Variants in XKR4 observed in about 807,000 individuals in gnomAD.
XKR4 encodes XK-related protein 4.
XKR4 carries 12 observed loss-of-function variants against 53.9 expected under a neutral mutation model. The ratio of observed to expected loss-of-function variants is 0.22; its 90% CI spans 0.14 to 0.36. The LOEUF is 0.36. Ranked by LOEUF, XKR4 falls within the 10% of genes least tolerant of loss-of-function variation. The probability of loss-of-function intolerance (pLI) is 1.00; values close to 1 mark genes in which losing one functional copy is unlikely to be tolerated. For missense variants in XKR4, 799 were observed against 859.5 expected (o/e 0.93, Z 0.88); for synonymous variants, 354 against 362.4 (o/e 0.98, Z 0.26).
intron 2 of XKR4, among the ~76,000 whole-genome samples, chr8:55,469,392 A>G (rs78410437): frequency 0.014 from 2,113 of 152,114 alleles, 59 homozygotes; most frequent in African/African-American, 0.049. Flanking sequence ...TTAGCCTCCC[A>G]AGATCCTTGC....
At chr8:55,383,264 G>A (rs1293551194) in intron 2 of XKR4, among the ~76,000 whole-genome samples, 1 of 152,202 alleles carries the variant, frequency 6.6e-6, no homozygotes, top group East Asian at 1.9e-4. Context: ...TGAAAGCACA[G>A]TTGCATTTGA....
intron 1 of XKR4, among the ~76,000 whole-genome samples, chr8:55,162,350 G>C (rs544711864): frequency 8.4e-4 from 128 of 152,306 alleles, no homozygotes; most frequent in Middle Eastern, 3.4e-3. Context: ...TTTAAAATAA[G>C]TGAGTTAATG....
At chr8:55,413,434 C>G (rs931831876) in intron 2 of XKR4, among the ~76,000 whole-genome samples, 2 of 152,140 alleles carry the variant, frequency 1.3e-5, no homozygotes, top group African/African-American at 4.8e-5. Flanking sequence ...CCAGATTGGC[C>G]AGGCTGGTCT....
In XKR4 at chr8:55,528,256, T is replaced by TTA. The variant is rs1437737369; in HGVS notation, c.*4031_*4032dup. The TTA allele has an allele frequency of 6.6e-6, 1 of 152,236 alleles. No homozygotes were observed. The highest frequency in any genetic ancestry group is 1.5e-5 in the Non-Finnish European group (1 of 68,026). 9.4% of individuals were successfully genotyped at this position (152,236 alleles called of 1,614,324 possible). A position where few individuals can be genotyped will look rare whatever the true frequency, so the allele number is the denominator to read the frequency against. ...CAGCACTTCTTAGCTCGAATGAGTT[T>TTA]TATCACTTCTTAAGGATCTCATCTT... On this transcript the variant is annotated 3_prime_UTR_variant, in exon 3 of 3. Coordinates refer to ENST00000327381, the MANE Select transcript of XKR4 (RefSeq NM_052898.2).
chr8:55,103,280 C>A lies in XKR4; in HGVS notation c.792C>A (p.Leu264=). Residue 264 remains leucine (L), a synonymous_variant, in exon 1 of 3, where the codon CTC becomes CTA. Coordinates refer to ENST00000327381, the MANE Select transcript of XKR4 (RefSeq NM_052898.2). Reference sequence around the variant, plus strand: ...AGTCACTCATCCACATCTTGCAGCTCGGGCAAATCTGGAGGTACTGTAATG... The same window carrying A: ...AGTCACTCATCCACATCTTGCAGCTAGGGCAAATCTGGAGGTACTGTAATG... ...LLQSLIHILQ[L]GQIWRYFHTI... is the part of the protein sequence containing the mutation. 6.2e-7 allele frequency: 1 copy of A among 1,607,340 alleles called. No individual in the cohort carries two copies. The highest frequency in any genetic ancestry group is 8.5e-7 in the Non-Finnish European group (1 of 1,175,370).
At chr8:55,268,926 T>A (rs1352902347) in intron 1 of XKR4, among the ~76,000 whole-genome samples, 3 of 152,196 alleles carry the variant, frequency 2.0e-5, no homozygotes, top group Non-Finnish European at 4.4e-5. Flanking sequence ...CATGTTTTAA[T>A]CATTTTGGAT....
chr8:55,506,000 G>A lies in XKR4; in HGVS notation c.1007-17281G>A, dbSNP rs901982487. On this transcript the variant is annotated intron_variant, in intron 2 of 2. Transcript: ENST00000327381. Reference sequence around the variant, plus strand: ...AGAGCTGTCATATGTGGTCATACAGGTTCTGCACTGCTCAACATAAATGTG... The same window carrying A: ...AGAGCTGTCATATGTGGTCATACAGATTCTGCACTGCTCAACATAAATGTG... 2.6e-5 allele frequency among the ~76,000 whole-genome samples: 4 copies of A among 152,290 alleles called. No individual in the cohort carries two copies. In the East Asian group the frequency reaches 7.7e-4, roughly 29 times the overall value.
intron 1 of XKR4, among the ~76,000 whole-genome samples, chr8:55,340,071 C>T (rs1803520179): frequency 6.6e-6 from 1 of 152,136 alleles, no homozygotes; most frequent in South Asian, 2.1e-4. Context: ...CATGCCCATT[C>T]TGTATTGATT....
chr8:55,221,016 G>A (rs1201797687), intron 1 of XKR4, among the ~76,000 whole-genome samples: 1 of 152,154 alleles, frequency 6.6e-6, no homozygotes, highest in Non-Finnish European at 1.5e-5. Context: ...TCTTTCAAGA[G>A]ATACTTATTG....
At chr8:55,406,775 T>G (rs1373249156) in intron 2 of XKR4, among the ~76,000 whole-genome samples, 3 of 152,232 alleles carry the variant, frequency 2.0e-5, no homozygotes, top group African/African-American at 7.2e-5. Context: ...GTCTAATATG[T>G]TATCTGATGC....
intron 2 of XKR4, among the ~76,000 whole-genome samples, chr8:55,397,052 G>T (rs1164847478): frequency 2.0e-5 from 3 of 152,202 alleles, no homozygotes; most frequent in Non-Finnish European, 2.9e-5. Context: ...TCAAAGATGA[G>T]TATTTCTCCA....
chr8:55,378,620 G>A (rs1292634742), intron 2 of XKR4, among the ~76,000 whole-genome samples: 2 of 152,114 alleles, frequency 1.3e-5, no homozygotes, highest in South Asian at 2.1e-4. Flanking sequence ...AAGTGGAAGG[G>A]CATTTTATTC....
At position 55,167,670 on chromosome 8, in the gene XKR4, C is replaced by T. The variant is rs148438658; in HGVS notation, c.806+64376C>T. Among the ~76,000 whole-genome samples the T allele has an allele frequency of 1.5e-3, 231 of 152,278 alleles. 2 individuals carry two copies. The highest frequency in any genetic ancestry group is 5.3e-3 in the African/African-American group (220 of 41,560). The stretch of plus-strand genomic sequence containing the variant: ...ATCTGAGACAGAAATTAGTGTTGCA[C>T]TAACTAGTACAGTGTCCAGATTGGA... On this transcript the variant is annotated intron_variant, in intron 1 of 2. Transcript: ENST00000327381.
Position 55,473,636 on chromosome 8 carries a change from G to T in XKR4, c.1007-49645G>T, listed in dbSNP as rs892303825. Among the ~76,000 whole-genome samples, 24 of 152,116 alleles carry T rather than the reference G, an allele frequency of 1.6e-4. 1 individual carries two copies. Among genetic ancestry groups the T allele is most frequent in the African/African-American group, 5.1e-4 (21 of 41,362 alleles). ...GTGCCAGTTTCTCAGAGGCACCAAA[G>T]TACATCCTTGTCTTAGTTCTAAAAG... is the stretch of plus-strand genomic sequence containing the variant. On this transcript the variant is annotated intron_variant, in intron 2 of 2. Coordinates refer to ENST00000327381, the MANE Select transcript of XKR4 (RefSeq NM_052898.2).
rs145722046 is a variant in XKR4 at position 55,351,066 on chromosome 8, G to A, written c.807-6612G>A. On this transcript the variant is annotated intron_variant, in intron 1 of 2. Coordinates refer to ENST00000327381, the MANE Select transcript of XKR4 (RefSeq NM_052898.2). ...AGTGTTTCCATTTTCTAAGGTGAAC[G>A]GACTTCTGAAGATGGGTGGTGGTGA... Among the ~76,000 whole-genome samples, 11 of 152,244 alleles carry A rather than the reference G, an allele frequency of 7.2e-5. No homozygotes were observed. In the East Asian group the frequency reaches 9.6e-4, roughly 13 times the overall value.
At chr8:55,236,035 C>T (rs965787114) in intron 1 of XKR4, among the ~76,000 whole-genome samples, 2 of 152,168 alleles carry the variant, frequency 1.3e-5, no homozygotes, top group African/African-American at 4.8e-5. Context: ...TCCAGGCCTG[C>T]TTGGCTGGTG....
At chr8:55,315,274 A>C (rs557594609) in intron 1 of XKR4, among the ~76,000 whole-genome samples, 1 of 152,220 alleles carries the variant, frequency 6.6e-6, no homozygotes, top group Non-Finnish European at 1.5e-5. Flanking sequence ...CAGGCACTAA[A>C]TGTCAGGTGT....
intron 1 of XKR4, among the ~76,000 whole-genome samples, chr8:55,176,237 T>C (rs899191933): frequency 4.6e-5 from 7 of 152,238 alleles, no homozygotes; most frequent in African/African-American, 1.7e-4. Flanking sequence ...TTGAGAAGTA[T>C]GTATTCTATA....
chr8:55,279,013 G>A (rs1373165093), intron 1 of XKR4, among the ~76,000 whole-genome samples: 1 of 152,146 alleles, frequency 6.6e-6, no homozygotes, highest in Non-Finnish European at 1.5e-5. Context: ...TATTATTTGA[G>A]AACCTATTGT....
Sources: allele counts gnomAD v4.1 joint callset (sites outside exome capture counted in the v4.1 genomes callset), GRCh38; gene constraint gnomAD v4.1.1; transcripts MANE v1.5; gene names NCBI Gene and HGNC (gene_info 2026-07-23, HGNC 2026-07-21).